CLEC12B: variants seen among roughly 807,000 people sequenced by gnomAD.
The protein encoded by CLEC12B is C-type lectin domain family 12 member B, also known as macrophage antigen h.
Under a neutral mutation model 36.1 loss-of-function variants are expected in CLEC12B, and 25 were observed. The observed-to-expected ratio is 0.69, with a 90% CI of 0.50 to 0.97. The LOEUF (loss-of-function observed/expected upper bound fraction) is 0.97. CLEC12B is among the 50% of genes least tolerant of loss of function. CLEC12B has a pLI of 0.00. For missense variants in CLEC12B, 325 were observed against 318.4 expected, an observed-to-expected ratio of 1.02 and a Z score of -0.16; for synonymous variants, 110 against 108.5, an observed-to-expected ratio of 1.01 and a Z score of -0.09.
Position 10,018,413 on chromosome 12 carries a change from T to C in CLEC12B, c.763T>C (p.Cys255Arg). Residue 255 changes from cysteine (C) to arginine (R), a missense_variant, in exon 6 of 6, where the codon TGT (cysteine) becomes CGT (arginine). Cys to Arg is a radical substitution (Grantham distance 180, BLOSUM62 -3). Coordinates refer to ENST00000338896, the MANE Select transcript of CLEC12B (RefSeq NM_001129998.3). ...FQKGNIYISR[C>R]SAEIFWICEK... ...AAAAGGAAATATTTATATTTCTCGC[T>C]GTAGTGCTGAAATTTTTTGGATTTG... 2.6e-6 allele frequency: 4 copies of C among 1,550,168 alleles called. No individual in the cohort carries two copies. Among genetic ancestry groups the C allele is most frequent in the South Asian group, 1.2e-5 (1 of 83,950 alleles).
At chr12:10,011,039 G>A (rs1865315816) in intron 1 of CLEC12B, among the ~76,000 whole-genome samples, 189 bp downstream of exon 1, 1 of 152,208 alleles carries the variant, frequency 6.6e-6, no homozygotes, top group South Asian at 2.1e-4. Context: ...GTGGCTTTCA[G>A]AACCTCTTTA....
chr12:10,014,720 G>A lies in CLEC12B; in HGVS notation c.388G>A (p.Glu130Lys). 6.2e-7 allele frequency: 1 copy of A among 1,613,002 alleles called. No individual in the cohort carries two copies. Among genetic ancestry groups the A allele is most frequent in the South Asian group, 1.1e-5 (1 of 91,020 alleles). Reference sequence around the variant, plus strand: ...ACAAATGGCCATCAAACTGTGCCAAGAGCTAATCATTCATACTTCAGGTAA... The same window carrying A: ...ACAAATGGCCATCAAACTGTGCCAAAAGCTAATCATTCATACTTCAGGTAA... ...QEQMAIKLCQ[E>K]LIIHTSDHRC... Residue 130 changes from glutamate to lysine, a missense_variant, in exon 3 of 6, where the codon GAG (glutamate) becomes AAG (lysine). Physicochemically the swap from Glu to Lys is moderately conservative, Grantham distance 56. Transcript: ENST00000338896.
intron 1 of CLEC12B, 24 bp from the exon 2 acceptor site, chr12:10,012,761 G>T (rs138856618): frequency 6.3e-7 from 1 of 1,585,932 alleles, no homozygotes; most frequent in Non-Finnish European, 8.7e-7. Flanking sequence ...TCTGTGTGCT[G>T]ATTGCTCTTT....
intron 5 of CLEC12B, chr12:10,016,656 A>G: frequency 4.4e-6 from 1 of 227,636 alleles, no homozygotes; most frequent in Non-Finnish European, 7.3e-6. Flanking sequence ...GATACATAAG[A>G]GATGTATATG....
chr12:10,011,537 C>G (rs1253523248), intron 1 of CLEC12B, among the ~76,000 whole-genome samples: 1 of 152,156 alleles, frequency 6.6e-6, no homozygotes, highest in African/African-American at 2.4e-5. Context: ...CAAGCTCACA[C>G]AACTGCTATG....
rs576321009 is a variant in CLEC12B at position 10,018,650 on chromosome 12, G to A, written c.*169G>A. The A allele has an allele frequency of 1.0e-3, 632 of 604,592 alleles. 1 individual carries two copies. The highest frequency in any genetic ancestry group is 1.4e-3 in the Non-Finnish European group (509 of 351,404). The allele number at this position is 604,592 out of a possible 1,614,324, so 37.5% of individuals were successfully genotyped here. ...AACATTCTCCAGTTCCTTGTCTGAC[G>A]TCTTCTGATTTGATGTTATTATTCG... On this transcript the variant is annotated 3_prime_UTR_variant, in exon 6 of 6. Transcript: ENST00000338896.
At chr12:10,017,687 T>A in intron 5 of CLEC12B, 1 of 945,340 alleles carries the variant, frequency 1.1e-6, no homozygotes, top group South Asian at 4.9e-5. Flanking sequence ...AATATGGCAG[T>A]GTAATGCAGG....
intron 3 of CLEC12B, 34 bp from the exon 4 acceptor site, chr12:10,015,218 C>T (rs1300000833): frequency 6.4e-7 from 1 of 1,573,008 alleles, no homozygotes; most frequent in South Asian, 1.1e-5. Flanking sequence ...CTAGAGTCTT[C>T]AGTTTATATT....
chr12:10,010,198 T>TCACACACACACACA (rs750091791), upstream of CLEC12B, among the ~76,000 whole-genome samples: 108 of 96,718 alleles, frequency 1.1e-3, 1 homozygote, highest in Non-Finnish European at 1.6e-3. Flanking sequence ...TCTGTCTCTC[T>TCACACACACACACA]CTCACACACA....
rs979182453 is a variant in CLEC12B, at chr12:10,015,723, T to A, written c.676T>A (p.Ser226Thr). The change falls in exon 5 of 6, where the codon TCC becomes ACC. Residue 226 changes from serine (S) to threonine (T), a missense_variant. Ser to Thr is a moderately conservative substitution (Grantham distance 58). Transcript: ENST00000338896. ...FWEDGSVPSP[S>T]LFSTKELDQI... Reference sequence around the variant, plus strand: ...GGAAGATGGCTCTGTTCCCTCTCCATCCTTGTACGTCTCTAACTATTGAGG... The same window carrying A: ...GGAAGATGGCTCTGTTCCCTCTCCAACCTTGTACGTCTCTAACTATTGAGG... 1.2e-5 allele frequency: 20 copies of A among 1,613,540 alleles called. No homozygotes were observed. The highest frequency in any genetic ancestry group is 1.7e-5 in the Non-Finnish European group (20 of 1,179,584).
At chr12:10,013,990 T>C (rs1167264772) in intron 2 of CLEC12B, among the ~76,000 whole-genome samples, 1 of 152,232 alleles carries the variant, frequency 6.6e-6, no homozygotes, top group African/African-American at 2.4e-5. Context: ...GCAGTGGTTC[T>C]TAAATTTGTT....
upstream of CLEC12B, among the ~76,000 whole-genome samples, chr12:10,010,119 C>A (rs1389133257): frequency 2.6e-5 from 4 of 151,932 alleles, no homozygotes; most frequent in Non-Finnish European, 5.9e-5. Context: ...AAGTAGCTAT[C>A]AGTTTCTTCT....
upstream of CLEC12B, among the ~76,000 whole-genome samples, chr12:10,009,894 T>TC (rs200027806): frequency 0.018 from 2,669 of 151,304 alleles, 45 homozygotes; most frequent in African/African-American, 0.052. Context: ...TATATAGCGC[T>TC]CCCCCCCCAT....
At chr12:10,017,785 C>A in intron 5 of CLEC12B, 1 of 883,036 alleles carries the variant, frequency 1.1e-6, no homozygotes, top group Non-Finnish European at 1.4e-6. Context: ...GGATTAACAT[C>A]AATTTCTTAG....
chr12:10,018,254 TA>T, intron 5 of CLEC12B, 76 bp from the exon 6 acceptor site: 1 of 882,736 alleles, frequency 1.1e-6, no homozygotes, highest in Non-Finnish European at 1.7e-6. Flanking sequence ...ACATTGGCTG[TA>T]AGAGCAACTG....
intron 3 of CLEC12B, 65 bp downstream of exon 3, chr12:10,014,806 A>G: frequency 9.4e-7 from 1 of 1,068,082 alleles, no homozygotes; most frequent in Non-Finnish European, 1.4e-6. Context: ...AGTTGATCAC[A>G]TGTACCACCT....
At chr12:10,007,702 G>T (rs552070887), upstream of CLEC12B, among the ~76,000 whole-genome samples, 12 of 152,206 alleles carry the variant, frequency 7.9e-5, no homozygotes, top group Non-Finnish European at 1.8e-4. Context: ...AAAAACGTAA[G>T]ATAAAACCAG....
At chr12:10,008,899 C>G (rs7133001), upstream of CLEC12B, among the ~76,000 whole-genome samples, 325 of 152,248 alleles carry the variant, frequency 2.1e-3, 1 homozygote, top group African/African-American at 7.6e-3. Flanking sequence ...AGTCATGAGA[C>G]GTGAGGCCAG....
chr12:10,011,628 A>G (rs903538729), intron 1 of CLEC12B, among the ~76,000 whole-genome samples: 2 of 152,010 alleles, frequency 1.3e-5, no homozygotes, highest in Non-Finnish European at 2.9e-5. Flanking sequence ...CATGGTCAAG[A>G]CTCTGATTTA....
Sources: allele counts gnomAD v4.1 joint callset (sites outside exome capture counted in the v4.1 genomes callset), GRCh38; gene constraint gnomAD v4.1.1; transcripts MANE v1.5; gene names NCBI Gene and HGNC (gene_info 2026-07-23, HGNC 2026-07-21).